SCP2: variants seen among roughly 807,000 people sequenced by gnomAD.
SCP2 encodes sterol carrier protein 2.
A neutral mutation model predicts 71.4 loss-of-function variants in SCP2; 48 were observed. The observed-to-expected ratio is 0.67, with a 90% CI of 0.53 to 0.86. The LOEUF (loss-of-function observed/expected upper bound fraction) is 0.86. Ranked by LOEUF, SCP2 falls within the 40% of genes least tolerant of loss-of-function variation. The pLI is 0.00. For missense variants in SCP2, 560 were observed against 655.6 expected, an observed-to-expected ratio of 0.85 and a Z score of 1.59; for synonymous variants, 220 against 218.1, an observed-to-expected ratio of 1.01 and a Z score of -0.08.
intron 8 of SCP2, 81 bp from the exon 9 acceptor site, chr1:52,978,136 T>C: frequency 7.1e-7 from 1 of 1,405,432 alleles, no homozygotes; most frequent in Admixed American, 1.7e-5. Flanking sequence ...GGCCTTTCCT[T>C]TCACATAGAA....
At chr1:53,023,648 C>T (rs76900154) in intron 12 of SCP2, among the ~76,000 whole-genome samples, 5,710 of 152,046 alleles carry the variant, frequency 0.038, 230 homozygotes, top group East Asian at 0.21. Context: ...GGCTGGGTCT[C>T]GAAGGGAGAA....
At chr1:53,021,181 A>AT (rs896463328) in intron 12 of SCP2, among the ~76,000 whole-genome samples, 2 of 151,186 alleles carry the variant, frequency 1.3e-5, no homozygotes, top group African/African-American at 4.9e-5. Context: ...TAATTTTTGT[A>AT]TTTTTTTTGT....
intron 11 of SCP2, among the ~76,000 whole-genome samples, chr1:53,005,773 G>A (rs1660596378): frequency 6.6e-6 from 1 of 152,208 alleles, no homozygotes; most frequent in Admixed American, 6.5e-5. Context: ...GACGCAGAGT[G>A]ACTTTGATGA....
chr1:52,952,198 A>G (rs1655378711), intron 4 of SCP2, among the ~76,000 whole-genome samples: 1 of 152,142 alleles, frequency 6.6e-6, no homozygotes, highest in African/African-American at 2.4e-5. Context: ...TCATATTCTG[A>G]ATATTTATAT....
intron 12 of SCP2, among the ~76,000 whole-genome samples, chr1:53,017,186 G>C (rs1209539815): frequency 6.6e-6 from 1 of 151,972 alleles, no homozygotes; most frequent in Non-Finnish European, 1.5e-5. Context: ...GCCCAACTTT[G>C]TTTTGTATTT....
intron 11 of SCP2, chr1:52,994,992 C>A (rs1557595330): frequency 5.9e-6 from 3 of 507,804 alleles, no homozygotes; most frequent in Admixed American, 2.2e-5. Context: ...AACCAGACAA[C>A]TTTGTTTTTG....
chr1:52,930,264 G>T (rs1351051223), intron 1 of SCP2, among the ~76,000 whole-genome samples: 1 of 151,506 alleles, frequency 6.6e-6, no homozygotes, highest in African/African-American at 2.4e-5. Context: ...GAAACAATTT[G>T]TTAAAGCAAC....
intron 11 of SCP2, among the ~76,000 whole-genome samples, chr1:52,992,346 A>G (rs1055751362): frequency 6.6e-6 from 1 of 152,208 alleles, no homozygotes; most frequent in Non-Finnish European, 1.5e-5. Context: ...ATATAGCAAA[A>G]ACATTAATCA....
intron 11 of SCP2, among the ~76,000 whole-genome samples, chr1:52,988,647 C>T (rs1419976070): frequency 6.6e-6 from 1 of 151,388 alleles, no homozygotes; most frequent in Admixed American, 6.6e-5. Context: ...AAAATTAAGC[C>T]CAAACCTCAC....
In SCP2 at chr1:52,980,524, A is replaced by C; in HGVS notation, c.954A>C (p.Ala318=). 6.2e-7 allele frequency: 1 copy of C among 1,614,016 alleles called. No individual in the cohort carries two copies. Among genetic ancestry groups the C allele is most frequent in the African/African-American group, 1.3e-5 (1 of 75,064 alleles). ...CCAACGAACTCCTTACTTATGAAGC[A>C]CTGGGACTCTGTCCAGAAGGTAACA... ...FSTNELLTYE[A]LGLCPEGQGA... is the part of the protein sequence containing the mutation. Residue 318 remains alanine, a synonymous_variant, in exon 10 of 16, where the codon GCA becomes GCC. Coordinates refer to ENST00000371514, the MANE Select transcript of SCP2 (RefSeq NM_002979.5).
At chr1:53,037,227 T>C (rs1663013366) in intron 13 of SCP2, among the ~76,000 whole-genome samples, 1 of 152,206 alleles carries the variant, frequency 6.6e-6, no homozygotes, top group Non-Finnish European at 1.5e-5. Context: ...GTGAAATAAA[T>C]GTTCCTTCTC....
chr1:52,941,449 A>G (rs1654227481), intron 1 of SCP2, among the ~76,000 whole-genome samples: 1 of 152,142 alleles, frequency 6.6e-6, no homozygotes, highest in Non-Finnish European at 1.5e-5. Flanking sequence ...AAATGTAACT[A>G]TACTTGGCTG....
At chr1:52,969,678 G>A (rs1026771548) in intron 6 of SCP2, among the ~76,000 whole-genome samples, 7 of 151,990 alleles carry the variant, frequency 4.6e-5, no homozygotes, top group Admixed American at 1.3e-4. Flanking sequence ...AAAATTAGCC[G>A]GGCGTGGTCG....
intron 14 of SCP2, among the ~76,000 whole-genome samples, chr1:53,042,644 C>A (rs1157315288): frequency 6.6e-6 from 1 of 152,140 alleles, no homozygotes; most frequent in African/African-American, 2.4e-5. Context: ...TTACATCAAC[C>A]AACAAATGGC....
chr1:53,003,608 T>A (rs1660455298), intron 11 of SCP2, among the ~76,000 whole-genome samples: 1 of 152,118 alleles, frequency 6.6e-6, no homozygotes, highest in Admixed American at 6.5e-5. Context: ...CAGTCTCTAC[T>A]TCCTGGGCTC....
chr1:52,948,480 T>G (rs1339512928), intron 3 of SCP2, among the ~76,000 whole-genome samples: 1 of 151,738 alleles, frequency 6.6e-6, no homozygotes, highest in Non-Finnish European at 1.5e-5. Context: ...CTTCCTCTAC[T>G]AAAAATACAA....
chr1:52,962,278 A>G (rs1656537360), intron 6 of SCP2, among the ~76,000 whole-genome samples: 2 of 152,102 alleles, frequency 1.3e-5, no homozygotes. Flanking sequence ...TCTACATTCA[A>G]TATATCAGCA....
At chr1:52,990,731 C>G (rs1320405083) in intron 11 of SCP2, among the ~76,000 whole-genome samples, 1 of 60,418 alleles carries the variant, frequency 1.7e-5, no homozygotes, top group Non-Finnish European at 2.7e-5. Flanking sequence ...GAGACTCCGT[C>G]TCAAAAAAAA....
In SCP2 at chr1:52,982,443, A is replaced by G. The variant is rs1460134331; in HGVS notation, c.973+1900A>G. ...AAATTAGCCGGGCATGGTGTTGGGC[A>G]CCTGTAGTCCCAACTACTTGGGAGG... On this transcript the variant is annotated intron_variant, in intron 10 of 15. Coordinates refer to ENST00000371514, the MANE Select transcript of SCP2 (RefSeq NM_002979.5). 3.9e-5 allele frequency among the ~76,000 whole-genome samples: 6 copies of G among 152,032 alleles called. No homozygotes were observed. The South Asian group carries it at 6.2e-4, about 16-fold the overall frequency.
Sources: gnomAD v4.1 joint callset for allele counts (sites outside exome capture counted in the v4.1 genomes callset) on GRCh38, gnomAD v4.1.1 for gene constraint, MANE v1.5 for transcripts, NCBI Gene and HGNC (gene_info 2026-07-23, HGNC 2026-07-21) for gene names.